Variants in YTHDC2 observed in about 807,000 individuals in gnomAD.
YTHDC2 encodes 3'-5' RNA helicase YTHDC2.
A neutral mutation model predicts 174.9 loss-of-function variants in YTHDC2; 45 were observed. The observed-to-expected ratio is 0.26, with a 90% CI of 0.20 to 0.33. The LOEUF is 0.33. Ranked by LOEUF, YTHDC2 falls within the 10% of genes least tolerant of loss-of-function variation. The pLI, the probability that YTHDC2 is intolerant of heterozygous loss-of-function variation, is 1.00. For missense variants in YTHDC2, 1,650 were observed against 1,723.7 expected (o/e 0.96, Z 0.76); for synonymous variants, 657 against 574.5 (o/e 1.14, Z -2.05).
At chr5:113,561,957 G>GGTGTGTGTGT (rs70973686) in intron 18 of YTHDC2, among the ~76,000 whole-genome samples, 5,734 of 134,820 alleles carry the variant, frequency 0.043, 153 homozygotes, top group African/African-American at 0.063. Flanking sequence ...ATTAATTGTG[G>GGTGTGTGTGT]GTGTGTGTGT....
At position 113,591,204 on chromosome 5, in the gene YTHDC2, T is replaced by C; in HGVS notation, c.3989T>C (p.Val1330Ala). ...LNRAFWESSI[V>A]YLVFSVQGSG... ...CGAGCCTTTTGGGAAAGCAGCATAG[T>C]TTACTTGGTATTTTCTGTTCAAGGA... is the stretch of plus-strand genomic sequence containing the variant. The change falls in exon 27 of 30, where the codon GTT becomes GCT. Residue 1330 changes from valine to alanine, a missense_variant. Val to Ala is a moderately conservative substitution (Grantham distance 64, BLOSUM62 0). Transcript: ENST00000161863. 1 of 1,613,824 alleles carries C rather than the reference T, an allele frequency of 6.2e-7. No homozygotes were observed. The highest frequency in any genetic ancestry group is 1.1e-5 in the South Asian group (1 of 91,078).
chr5:113,513,828 T>A lies in YTHDC2; in HGVS notation c.-68T>A. 6.7e-7 allele frequency: 1 copy of A among 1,489,116 alleles called. No homozygotes were observed. Among genetic ancestry groups the A allele is most frequent in the Non-Finnish European group, 8.9e-7 (1 of 1,121,134 alleles). The allele number at this position is 1,489,116 out of a possible 1,614,324, so 92.2% of individuals were successfully genotyped here. Reference sequence around the variant, plus strand: ...CGGTAGTGGCCCCGGATTCCCACGGTCTTTGTCATTGGCTGTCAGCTAGCA... The same window carrying A: ...CGGTAGTGGCCCCGGATTCCCACGGACTTTGTCATTGGCTGTCAGCTAGCA... On this transcript the variant is annotated 5_prime_UTR_variant, in exon 1 of 30. Coordinates refer to ENST00000161863, the MANE Select transcript of YTHDC2 (RefSeq NM_022828.5).
intron 17 of YTHDC2, chr5:113,556,390 C>A (rs1441041190): frequency 7.6e-6 from 2 of 264,230 alleles, no homozygotes; most frequent in African/African-American, 2.2e-5. Context: ...ACCAAAAATT[C>A]TAAACATATG....
chr5:113,544,092 G>A (rs10072577), intron 10 of YTHDC2, among the ~76,000 whole-genome samples: 129,419 of 152,126 alleles, frequency 0.85, 55,268 homozygotes, highest in East Asian at 0.97. Context: ...TTATCTCTGT[G>A]TCACCAGAGA....
In YTHDC2 at chr5:113,593,341, A is replaced by G; in HGVS notation, c.4251A>G (p.Leu1417=). Residue 1417 remains leucine (L), a synonymous_variant, in exon 29 of 30, where the codon TTA becomes TTG. Transcript: ENST00000161863. ...EPLVGEQLLQ[L]WERLPLGEKN... The stretch of plus-strand genomic sequence containing the variant: ...TGGTTGGTGAACAGTTGCTCCAGTT[A>G]TGGGAACGTCTTCCCTTGGGAGAAA... 2.5e-6 allele frequency: 4 copies of G among 1,612,940 alleles called. No individual in the cohort carries two copies. The highest frequency in any genetic ancestry group is 3.4e-6 in the Non-Finnish European group (4 of 1,179,182).
chr5:113,589,854 A>G (rs753676825), intron 26 of YTHDC2, among the ~76,000 whole-genome samples: 7 of 152,206 alleles, frequency 4.6e-5, no homozygotes, highest in Admixed American at 3.3e-4. Flanking sequence ...TCCTAATTAC[A>G]TCAACTCTGT....
chr5:113,568,246 A>G (rs531907106), intron 23 of YTHDC2, among the ~76,000 whole-genome samples: 1 of 152,296 alleles, frequency 6.6e-6, no homozygotes, highest in South Asian at 2.1e-4. Flanking sequence ...ATTTCACCCA[A>G]ACTGTTATTT....
chr5:113,540,143 G>A (rs942822202), intron 8 of YTHDC2, among the ~76,000 whole-genome samples: 3 of 152,076 alleles, frequency 2.0e-5, no homozygotes, highest in South Asian at 4.1e-4. Context: ...TTGCCTCAGT[G>A]TCCTAAAGTG....
In YTHDC2 at chr5:113,591,264, TA is replaced by T; in HGVS notation, c.4029+24del. On this transcript the variant is annotated intron_variant, in intron 27 of 29. Transcript: ENST00000161863. ...TTCCAGGTGAGCCACCCTGAATCAG[TA>T]AAATGGGGTTGTTCTGGCTATAGGT... The T allele has an allele frequency of 6.2e-7, 1 of 1,612,182 alleles. No homozygotes were observed. The highest frequency in any genetic ancestry group is 8.5e-7 in the Non-Finnish European group (1 of 1,178,624).
Position 113,542,432 on chromosome 5 carries a change from A to G in YTHDC2, c.1424A>G (p.Asp475Gly). The stretch of plus-strand genomic sequence containing the variant: ...AAGGAAATGGATGCTTGCCTTTCTG[A>G]TATATGGCTACATAAAGATATTGAT... ...LIKEMDACLS[D>G]IWLHKDIDAF... The change falls in exon 10 of 30, where the codon GAT (aspartate) becomes GGT (glycine). Residue 475 changes from aspartate (D) to glycine (G), a missense_variant. Asp to Gly is a moderately conservative substitution (Grantham distance 94, BLOSUM62 -1). Around this residue, in one of 5 missense-constraint regions of YTHDC2, gnomAD observed 411 missense variants for 380.6 expected, o/e 1.08. Coordinates refer to ENST00000161863, the MANE Select transcript of YTHDC2 (RefSeq NM_022828.5). 6.2e-7 allele frequency: 1 copy of G among 1,613,068 alleles called. No individual in the cohort carries two copies.
At chr5:113,586,259 T>C (rs1374374778) in intron 26 of YTHDC2, among the ~76,000 whole-genome samples, 2 of 152,052 alleles carry the variant, frequency 1.3e-5, no homozygotes, top group Non-Finnish European at 2.9e-5. Flanking sequence ...CAGTTACTAA[T>C]GATGTTGAGC....
chr5:113,546,133 TA>T (rs1775873934), intron 10 of YTHDC2, among the ~76,000 whole-genome samples: 3 of 152,226 alleles, frequency 2.0e-5, no homozygotes, highest in Admixed American at 1.3e-4. Context: ...TCCATTATTT[TA>T]AAAAATATTT....
At chr5:113,546,628 C>G (rs1291274949) in intron 10 of YTHDC2, among the ~76,000 whole-genome samples, 1 of 152,170 alleles carries the variant, frequency 6.6e-6, no homozygotes, top group African/African-American at 2.4e-5. Context: ...GTATCTATTG[C>G]TGCATTACAG....
intron 9 of YTHDC2, 98 bp downstream of exon 9, chr5:113,541,214 TG>T: frequency 1.6e-6 from 2 of 1,289,914 alleles, no homozygotes; most frequent in Non-Finnish European, 2.2e-6. Flanking sequence ...TTTTTTGAGA[TG>T]GAGTCTGGCT....
intron 18 of YTHDC2, among the ~76,000 whole-genome samples, chr5:113,562,839 C>CTATA (rs2112715196): frequency 6.6e-6 from 1 of 152,246 alleles, no homozygotes; most frequent in South Asian, 2.1e-4. Flanking sequence ...ATTTAGCTCC[C>CTATA]TATAGCCTTC....
intron 23 of YTHDC2, among the ~76,000 whole-genome samples, chr5:113,576,603 A>C (rs1778063283): frequency 6.6e-6 from 1 of 152,164 alleles, no homozygotes; most frequent in South Asian, 2.1e-4. Flanking sequence ...TTGGTTTTAA[A>C]GATAAAATAT....
chr5:113,526,283 A>G (rs1185219300), intron 3 of YTHDC2, among the ~76,000 whole-genome samples: 1 of 152,046 alleles, frequency 6.6e-6, no homozygotes, highest in East Asian at 1.9e-4. Flanking sequence ...ATGGTTATTG[A>G]ATGATTTATT....
chr5:113,535,366 C>G (rs1485504095), intron 6 of YTHDC2, among the ~76,000 whole-genome samples: 1 of 150,948 alleles, frequency 6.6e-6, no homozygotes, highest in African/African-American at 2.4e-5. Context: ...TTTTTTTAAT[C>G]AGGGACTTGA....
intron 23 of YTHDC2, among the ~76,000 whole-genome samples, chr5:113,570,951 C>G (rs1327114449): frequency 1.3e-5 from 2 of 152,196 alleles, no homozygotes; most frequent in African/African-American, 4.8e-5. Flanking sequence ...CTGCACCCAC[C>G]CGACGTGAAT....
Sources: gnomAD v4.1 joint callset for allele counts (sites outside exome capture counted in the v4.1 genomes callset) on GRCh38, gnomAD v4.1.1 for gene constraint, gnomAD v4.1.1 regional missense constraint, MANE v1.5 for transcripts, NCBI Gene and HGNC (gene_info 2026-07-23, HGNC 2026-07-21) for gene names.